UGP2: variants seen among roughly 807,000 people sequenced by gnomAD.
UGP2 encodes the protein UDP-glucose pyrophosphorylase 2.
In UGP2, 40 loss-of-function variants were observed where a neutral mutation model predicts 49.0. The observed-to-expected ratio is 0.82, with a 90% CI of 0.63 to 1.06. UGP2 has a LOEUF of 1.06. Ranked by LOEUF, UGP2 falls within the 50% of genes least tolerant of loss-of-function variation. The probability of loss-of-function intolerance (pLI) is 0.00; values close to 1 mark genes in which losing one functional copy is unlikely to be tolerated. For synonymous variants in UGP2, 225 were observed against 213.0 expected (o/e 1.06, Z -0.49); for missense variants, 460 against 603.5 (o/e 0.76, Z 2.49).
intron 8 of UGP2, 21 bp from the exon 9 acceptor site, chr2:63,890,060 A>G (rs1193056885): frequency 4.5e-6 from 7 of 1,566,890 alleles, no homozygotes; most frequent in Non-Finnish European, 6.1e-6. Context: ...ACAAATTTTT[A>G]TGTTTCTCCT....
chr2:63,878,214 A>G (rs1671055198), intron 3 of UGP2, among the ~76,000 whole-genome samples: 1 of 152,096 alleles, frequency 6.6e-6, no homozygotes, highest in Admixed American at 6.5e-5. Context: ...TGAACATCTC[A>G]TGTAAGCAGA....
intron 3 of UGP2, among the ~76,000 whole-genome samples, chr2:63,877,994 C>A (rs190179466): frequency 0.19 from 18,887 of 99,742 alleles, 1,856 homozygotes; most frequent in Middle Eastern, 0.38. Context: ...AGCGAGACTC[C>A]GTCTCAAAAA....
upstream of UGP2, among the ~76,000 whole-genome samples, chr2:63,841,559 G>A (rs1575789510): frequency 1.3e-5 from 2 of 152,102 alleles, no homozygotes; most frequent in African/African-American, 4.8e-5. Context: ...GGGAGCTGAG[G>A]CCCCGACCGG....
intron 3 of UGP2, among the ~76,000 whole-genome samples, chr2:63,866,118 A>C (rs1047738146): frequency 6.6e-6 from 1 of 152,204 alleles, no homozygotes; most frequent in Non-Finnish European, 1.5e-5. Flanking sequence ...TAAATCTAGA[A>C]TGATTCTTCT....
rs1669553146 is a variant in UGP2, at chr2:63,857,863, T to A, written c.182T>A (p.Leu61Gln). 6.2e-7 allele frequency: 1 copy of A among 1,614,042 alleles called. No homozygotes were observed. The highest frequency in any genetic ancestry group is 1.3e-5 in the African/African-American group (1 of 74,948). ...AAAGACCTGGATGGATTTCGGAAGC[T>A]ATTTCATAGATTTTTGCAAGAAAAG... The part of the protein sequence containing the change: ...TKKDLDGFRK[L>Q]FHRFLQEKGP... Residue 61 changes from leucine (L) to glutamine (Q), a missense_variant, in exon 3 of 10, where the codon CTA becomes CAA. Coordinates refer to ENST00000337130, the MANE Select transcript of UGP2 (RefSeq NM_006759.4).
At chr2:63,857,998 G>A in intron 3 of UGP2, 62 bp downstream of exon 3, 4 of 1,513,576 alleles carry the variant, frequency 2.6e-6, no homozygotes, top group Non-Finnish European at 3.7e-6. Context: ...TTTAACTTAG[G>A]ACGGTTGGGT....
At chr2:63,862,915 T>G (rs140470641) in intron 3 of UGP2, 64 of 454,400 alleles carry the variant, frequency 1.4e-4, no homozygotes, top group Middle Eastern at 1.3e-3. Context: ...TGGAACAGAT[T>G]GTGACGTAAG....
rs10194684 is a variant in UGP2, at chr2:63,842,373, T to C, written c.19+169T>C. The C allele has an allele frequency of 2.8e-4, 447 of 1,600,414 alleles. 1 individual carries two copies. The African/African-American group carries it at 5.0e-3, about 18-fold the overall frequency. ...GCTGCCTTGAGCTGCTGGGTTGACG[T>C]TCCAGACGCGTATAATTTATGCTCC... is the stretch of plus-strand genomic sequence containing the variant. On this transcript the variant is annotated intron_variant, in intron 1 of 9. Coordinates refer to ENST00000337130, the MANE Select transcript of UGP2 (RefSeq NM_006759.4).
At chr2:63,863,163 A>G (rs533615344) in intron 3 of UGP2, among the ~76,000 whole-genome samples, 2 of 152,190 alleles carry the variant, frequency 1.3e-5, no homozygotes, top group Non-Finnish European at 2.9e-5. Context: ...TTTTTAAACC[A>G]TCTGTGTATC....
intron 1 of UGP2, 127 bp downstream of exon 1, chr2:63,842,331 G>A: frequency 6.2e-7 from 1 of 1,604,940 alleles, no homozygotes; most frequent in Non-Finnish European, 8.5e-7. Context: ...AACCCTTTTC[G>A]TTGAATTGTC....
chr2:63,886,335 T>C lies in UGP2; in HGVS notation c.874-6T>C. 2 of 1,613,714 alleles carry C rather than the reference T, an allele frequency of 1.2e-6. No individual in the cohort carries two copies. Among genetic ancestry groups the C allele is most frequent in the Non-Finnish European group, 1.7e-6 (2 of 1,179,608 alleles). ...TGGAGGCACTCACTATTTTCTGCCTTTCTAGGGCGGGACACTCACTCAATA... is the reference window on the plus strand; with the variant it reads ...TGGAGGCACTCACTATTTTCTGCCTCTCTAGGGCGGGACACTCACTCAATA... On this transcript the variant is annotated splice_polypyrimidine_tract_variant and splice_region_variant and intron_variant, in intron 6 of 9. Coordinates refer to ENST00000337130, the MANE Select transcript of UGP2 (RefSeq NM_006759.4).
chr2:63,869,254 G>C lies in UGP2; in HGVS notation c.255+11318G>C, dbSNP rs373398987. Among the ~76,000 whole-genome samples, 8 of 152,322 alleles carry C rather than the reference G, an allele frequency of 5.3e-5. No homozygotes were observed. The East Asian group carries it at 1.2e-3, about 22-fold the overall frequency. On this transcript the variant is annotated intron_variant, in intron 3 of 9. Transcript: ENST00000337130. ...GGCTGGGTAGAGAAGGCGTCTCTAA[G>C]TTGACATTTGAGTAGAGACCTACAG...
At chr2:63,844,573 T>C (rs1300048009) in intron 1 of UGP2, among the ~76,000 whole-genome samples, 1 of 152,122 alleles carries the variant, frequency 6.6e-6, no homozygotes, top group East Asian at 1.9e-4. Flanking sequence ...GATTGATAGA[T>C]TGATTTTGAG....
In UGP2 at chr2:63,891,174, G is replaced by A. The variant is rs775677196; in HGVS notation, c.1474G>A (p.Ala492Thr). 6.2e-7 allele frequency: 1 copy of A among 1,613,680 alleles called. No homozygotes were observed. Among genetic ancestry groups the A allele is most frequent in the Non-Finnish European group, 8.5e-7 (1 of 1,179,854 alleles). The change falls in exon 10 of 10, where the codon GCA (alanine) becomes ACA (threonine). Residue 492 changes from alanine to threonine, a missense_variant. Around this residue, in one of 2 missense-constraint regions of UGP2, gnomAD observed 317 missense variants for 473.0 expected, o/e 0.67. Coordinates refer to ENST00000337130, the MANE Select transcript of UGP2 (RefSeq NM_006759.4). Reference protein sequence around the residue: ...HGDRIDIPPGAVLENKIVSGN... With the variant: ...HGDRIDIPPGTVLENKIVSGN... ...TGACAGAATTGATATCCCACCTGGAGCAGTATTAGAGAACAAGATTGTGTC... is the reference window on the plus strand; with the variant it reads ...TGACAGAATTGATATCCCACCTGGAACAGTATTAGAGAACAAGATTGTGTC...
At chr2:63,863,997 A>G (rs1029545327) in intron 3 of UGP2, among the ~76,000 whole-genome samples, 1 of 152,228 alleles carries the variant, frequency 6.6e-6, no homozygotes, top group African/African-American at 2.4e-5. Flanking sequence ...TCTTATTTCA[A>G]AAGAACAAGA....
At chr2:63,842,381 G>C (rs1183502926) in intron 1 of UGP2, 177 bp downstream of exon 1, 1 of 1,598,622 alleles carries the variant, frequency 6.3e-7, no homozygotes, top group African/African-American at 1.3e-5. Context: ...CGTTCCAGAC[G>C]CGTATAATTT....
At chr2:63,868,503 T>C (rs767527493) in intron 3 of UGP2, among the ~76,000 whole-genome samples, 9 of 152,192 alleles carry the variant, frequency 5.9e-5, no homozygotes, top group Non-Finnish European at 1.3e-4. Context: ...GATTCTCTTA[T>C]AGTTGGGTAG....
At chr2:63,881,905 C>G (rs1182942620) in intron 3 of UGP2, among the ~76,000 whole-genome samples, 1 of 152,172 alleles carries the variant, frequency 6.6e-6, no homozygotes, top group Non-Finnish European at 1.5e-5. Flanking sequence ...CTTGTGCATA[C>G]CTAGAAGTTT....
intron 3 of UGP2, among the ~76,000 whole-genome samples, chr2:63,878,659 CA>C (rs1438214036): frequency 6.6e-6 from 1 of 152,188 alleles, no homozygotes; most frequent in African/African-American, 2.4e-5. Context: ...CTCTCAGGCT[CA>C]AGCAGTCCTC....
Sources: allele counts gnomAD v4.1 joint callset (sites outside exome capture counted in the v4.1 genomes callset), GRCh38; gene constraint gnomAD v4.1.1; regional missense constraint gnomAD v4.1.1; transcripts MANE v1.5; gene names NCBI Gene and HGNC (gene_info 2026-07-23, HGNC 2026-07-21).